PAK1: variants seen among roughly 807,000 people sequenced by gnomAD.
PAK1 encodes serine/threonine-protein kinase PAK 1.
PAK1 carries 29 observed loss-of-function variants against 67.4 expected under a neutral mutation model. That is an observed-to-expected ratio of 0.43 (90% confidence interval 0.32 to 0.59). PAK1 has a LOEUF of 0.59. Ranked by LOEUF, PAK1 falls within the 20% of genes least tolerant of loss-of-function variation. PAK1 has a pLI of 0.07. For synonymous variants in PAK1, 223 were observed against 237.4 expected, an observed-to-expected ratio of 0.94 and a Z score of 0.56; for missense variants, 337 against 670.7, an observed-to-expected ratio of 0.50 and a Z score of 5.50.
chr11:77,420,629 G>C (rs1035431291), intron 1 of PAK1, among the ~76,000 whole-genome samples: 2 of 151,424 alleles, frequency 1.3e-5, no homozygotes, highest in Admixed American at 6.6e-5. Context: ...CTTCAAAACA[G>C]ATCTACGGTC....
At chr11:77,477,513 T>G (rs1243455255), upstream of PAK1, among the ~76,000 whole-genome samples, 2 of 136,850 alleles carry the variant, frequency 1.5e-5, no homozygotes, top group African/African-American at 5.6e-5. Context: ...GGCAGATCGC[T>G]TGAGCCCAGT....
the PAK1 span, among the ~76,000 whole-genome samples, chr11:77,509,809 A>G: frequency 2.0e-5 from 3 of 152,150 alleles, no homozygotes; most frequent in Non-Finnish European, 4.4e-5. Flanking sequence ...TTACACCATG[A>G]GTAAAAGCTC....
chr11:77,429,789 GC>G (rs1955774750), intron 1 of PAK1, among the ~76,000 whole-genome samples: 2 of 152,184 alleles, frequency 1.3e-5, no homozygotes, highest in Non-Finnish European at 2.9e-5. Context: ...AATTGGCAAA[GC>G]TTGAATGGGT....
chr11:77,481,448 G>A, the PAK1 span, among the ~76,000 whole-genome samples: 8 of 152,032 alleles, frequency 5.3e-5, no homozygotes, highest in East Asian at 1.9e-4. Context: ...AGGCCGAGGC[G>A]GGCGGATCAC....
At chr11:77,430,712 A>G (rs1955820112) in intron 1 of PAK1, among the ~76,000 whole-genome samples, 1 of 152,256 alleles carries the variant, frequency 6.6e-6, no homozygotes. Context: ...ATCTCTTTGA[A>G]CTGGAATTTC....
chr11:77,488,215 T>C, the PAK1 span, among the ~76,000 whole-genome samples: 2 of 152,244 alleles, frequency 1.3e-5, no homozygotes, highest in African/African-American at 4.8e-5. Flanking sequence ...ATAGTGTTAC[T>C]GGGCTTGGGG....
At chr11:77,426,330 G>A (rs917994012) in intron 1 of PAK1, among the ~76,000 whole-genome samples, 56 of 152,130 alleles carry the variant, frequency 3.7e-4, no homozygotes, top group African/African-American at 1.3e-3. Flanking sequence ...CATATACTAA[G>A]CCAGGGACAA....
intron 4 of PAK1, among the ~76,000 whole-genome samples, chr11:77,376,047 C>T (rs1039581859): frequency 7.9e-5 from 12 of 152,158 alleles, no homozygotes; most frequent in Admixed American, 2.0e-4. Flanking sequence ...AAACATAATT[C>T]GTTTGTTTTT....
the PAK1 span, among the ~76,000 whole-genome samples, chr11:77,486,217 G>A: frequency 6.6e-6 from 1 of 152,104 alleles, no homozygotes; most frequent in South Asian, 2.1e-4. Flanking sequence ...GTTGACTATT[G>A]CAGGCCGGCC....
chr11:77,326,126 T>C (rs1329165756), intron 14 of PAK1, among the ~76,000 whole-genome samples: 1 of 152,102 alleles, frequency 6.6e-6, no homozygotes, highest in Non-Finnish European at 1.5e-5. Context: ...GGCAATACAA[T>C]AAAAGAACAC....
chr11:77,404,313 G>A (rs1953144302), intron 1 of PAK1, among the ~76,000 whole-genome samples: 1 of 151,330 alleles, frequency 6.6e-6, no homozygotes, highest in African/African-American at 2.4e-5. Context: ...TGTCGCCCAG[G>A]CTGGAGTGCA....
At chr11:77,367,814 T>C (rs1778954317) in intron 5 of PAK1, among the ~76,000 whole-genome samples, 2 of 152,046 alleles carry the variant, frequency 1.3e-5, no homozygotes, top group African/African-American at 4.8e-5. Flanking sequence ...CCGTCTCTAC[T>C]AATATACAAA....
At chr11:77,353,489 C>A (rs746419540) in intron 8 of PAK1, 47 bp downstream of exon 8, 5 of 1,369,134 alleles carry the variant, frequency 3.7e-6, no homozygotes, top group South Asian at 2.4e-5. Context: ...TGCCGGCACA[C>A]ACACTTTAAA....
chr11:77,340,805 T>C, intron 10 of PAK1, 42 bp from the exon 11 acceptor site: 1 of 1,048,656 alleles, frequency 9.5e-7, no homozygotes, highest in Non-Finnish European at 1.5e-6. Flanking sequence ...ACAATCAGAG[T>C]ACACTGAGCC....
intron 1 of PAK1, among the ~76,000 whole-genome samples, chr11:77,430,031 G>T (rs1955788119): frequency 6.6e-6 from 1 of 152,156 alleles, no homozygotes; most frequent in Non-Finnish European, 1.5e-5. Context: ...GTAGCAGTGG[G>T]AGTAGAGAAG....
intron 9 of PAK1, among the ~76,000 whole-genome samples, chr11:77,346,066 A>AG: frequency 6.6e-6 from 1 of 152,090 alleles, no homozygotes; most frequent in Non-Finnish European, 1.5e-5. Context: ...CTCTGCCCCC[A>AG]GGGTTCAAGT....
At chr11:77,376,736 CA>C (rs35882567) in intron 4 of PAK1, among the ~76,000 whole-genome samples, 160 of 75,266 alleles carry the variant, frequency 2.1e-3, no homozygotes, top group Middle Eastern at 0.019. Context: ...GACTCCATCT[CA>C]AAAAAAAAAA....
chr11:77,476,294 C>T (rs528022541), upstream of PAK1: 1 of 152,342 alleles, frequency 6.6e-6, no homozygotes, highest in African/African-American at 2.4e-5. Flanking sequence ...GTTATCCTCA[C>T]CCATCTTATT....
At chr11:77,373,975 G>C (rs1454372591) in intron 5 of PAK1, among the ~76,000 whole-genome samples, 1 of 152,158 alleles carries the variant, frequency 6.6e-6, no homozygotes, top group East Asian at 1.9e-4. Context: ...GAAGCTCAAA[G>C]AGGCAAACTG....
Sources: allele counts gnomAD v4.1 joint callset (sites outside exome capture counted in the v4.1 genomes callset), GRCh38; gene constraint gnomAD v4.1.1; transcripts MANE v1.5; gene names NCBI Gene and HGNC (gene_info 2026-07-23, HGNC 2026-07-21).